Variants in ZBTB20 observed in about 807,000 individuals in gnomAD.
The protein encoded by ZBTB20 is zinc finger and BTB domain-containing protein 20.
Under a neutral mutation model 56.9 loss-of-function variants are expected in ZBTB20, and 9 were observed. The ratio of observed to expected loss-of-function variants is 0.16; its 90% CI spans 0.10 to 0.28. The LOEUF is 0.28. Ranked by LOEUF, ZBTB20 falls within the 10% of genes least tolerant of loss-of-function variation. ZBTB20 has a pLI of 1.00. For synonymous variants in ZBTB20, 417 were observed against 420.7 expected, an observed-to-expected ratio of 0.99 and a Z score of 0.11; for missense variants, 655 against 1,003.0, an observed-to-expected ratio of 0.65 and a Z score of 4.69.
At chr3:114,621,266 T>C (rs1038127213) in intron 6 of ZBTB20, among the ~76,000 whole-genome samples, 2 of 152,206 alleles carry the variant, frequency 1.3e-5, no homozygotes, top group African/African-American at 4.8e-5. Flanking sequence ...TGTTCATAAA[T>C]ATTTGTGTAA....
chr3:114,723,447 T>C (rs762880510), intron 5 of ZBTB20, among the ~76,000 whole-genome samples: 6 of 152,206 alleles, frequency 3.9e-5, no homozygotes, highest in Non-Finnish European at 8.8e-5. Flanking sequence ...GGGACTTATA[T>C]AGAGATTTTG....
At chr3:114,756,879 G>A (rs996518568) in intron 5 of ZBTB20, among the ~76,000 whole-genome samples, 2 of 152,082 alleles carry the variant, frequency 1.3e-5, no homozygotes, top group Non-Finnish European at 1.5e-5. Flanking sequence ...ACTTAAATAT[G>A]ATTTTTGTTC....
At chr3:114,625,636 A>G (rs559405772) in intron 6 of ZBTB20, among the ~76,000 whole-genome samples, 14 of 152,168 alleles carry the variant, frequency 9.2e-5, no homozygotes, top group Admixed American at 3.3e-4. Context: ...GCTTAGAGAA[A>G]AGAGAGTTAC....
rs149647100 is a variant in ZBTB20, at chr3:114,706,087, A to AAG, written c.-342-12514_-342-12513dup. Among the ~76,000 whole-genome samples the AAG allele has an allele frequency of 4.5e-3, 671 of 150,488 alleles. 5 individuals carry two copies. The highest frequency in any genetic ancestry group is 0.015 in the African/African-American group (597 of 41,162). On this transcript the variant is annotated intron_variant, in intron 5 of 11. Transcript: ENST00000675478. ...TTATAGGAAGAATATGATGTAGAGA[A>AAG]AGAGAGAGAGAGAGAGAGACAGACT...
At chr3:114,534,086 G>C (rs2048172925) in intron 6 of ZBTB20, among the ~76,000 whole-genome samples, 2 of 151,922 alleles carry the variant, frequency 1.3e-5, no homozygotes, top group East Asian at 3.9e-4. Flanking sequence ...TCAACTAATG[G>C]GCAACATTAC....
At chr3:115,003,322 G>C (rs1053718167) in intron 2 of ZBTB20, among the ~76,000 whole-genome samples, 2 of 151,578 alleles carry the variant, frequency 1.3e-5, no homozygotes, top group Non-Finnish European at 3.0e-5. Context: ...TTCATTAGTT[G>C]TAACAAATGT....
chr3:114,945,368 T>C (rs1376439701), intron 3 of ZBTB20, among the ~76,000 whole-genome samples: 3 of 145,130 alleles, frequency 2.1e-5, no homozygotes, highest in Admixed American at 2.0e-4. Flanking sequence ...TTAGTATGCG[T>C]ATAAGTATAG....
Position 114,324,154 on chromosome 3 carries a change from A to G in ZBTB20, c.*14851T>C, listed in dbSNP as rs143972499. The G allele has an allele frequency of 6.6e-6, 1 of 152,348 alleles. No homozygotes were observed. The highest frequency in any genetic ancestry group is 1.9e-4 in the East Asian group (1 of 5,184). 9.4% of individuals were successfully genotyped at this position (152,348 alleles called of 1,614,324 possible). A position where few individuals can be genotyped will look rare whatever the true frequency, so the allele number is the denominator to read the frequency against. On this transcript the variant is annotated 3_prime_UTR_variant, in exon 12 of 12. Transcript: ENST00000675478. ...TCTGTAAAACATTAAGCCAATAGGC[A>G]GAAAATAAAAGGAAGTAGTCTAGTT...
intron 7 of ZBTB20, among the ~76,000 whole-genome samples, chr3:114,402,904 G>A (rs888958977): frequency 7.2e-5 from 11 of 152,102 alleles, no homozygotes; most frequent in African/African-American, 1.7e-4. Context: ...ATACTTACCC[G>A]AAATTTCAGG....
chr3:114,945,364 T>C (rs2076850474), intron 3 of ZBTB20, among the ~76,000 whole-genome samples: 1 of 145,038 alleles, frequency 6.9e-6, no homozygotes, highest in Admixed American at 6.6e-5. Flanking sequence ...AAGATTAGTA[T>C]GCGTATAAGT....
chr3:114,916,564 T>C (rs2075754327), intron 3 of ZBTB20, among the ~76,000 whole-genome samples: 1 of 152,158 alleles, frequency 6.6e-6, no homozygotes, highest in Non-Finnish European at 1.5e-5. Context: ...CATTTAGCAT[T>C]TCCTGTAGAA....
At chr3:115,143,443 G>A (rs140151420) in intron 1 of ZBTB20, among the ~76,000 whole-genome samples, 2 of 152,158 alleles carry the variant, frequency 1.3e-5, no homozygotes, top group East Asian at 1.9e-4. Flanking sequence ...GCAGGAGGGC[G>A]GATCACTTGA....
chr3:114,511,866 A>G (rs956892006), intron 6 of ZBTB20, among the ~76,000 whole-genome samples: 5 of 152,114 alleles, frequency 3.3e-5, no homozygotes, highest in African/African-American at 1.2e-4. Flanking sequence ...AGCACAGTTT[A>G]TTTTTATTTA....
At chr3:114,348,469 T>C (rs1305277047) in intron 11 of ZBTB20, among the ~76,000 whole-genome samples, 1 of 152,276 alleles carries the variant, frequency 6.6e-6, no homozygotes, top group East Asian at 1.9e-4. Flanking sequence ...GATTTACCTC[T>C]GGTTATTAGT....
At position 114,914,075 on chromosome 3, in the gene ZBTB20, C is replaced by T. The variant is rs542966813; in HGVS notation, c.-455-13733G>A. On this transcript the variant is annotated intron_variant, in intron 3 of 11. Transcript: ENST00000675478. ...GCTATTGTGGGTCTTTTGTGGTTTC[C>T]TATAAATTTTATAATTGTGTTTTCT... Among the ~76,000 whole-genome samples, 110 of 151,836 alleles carry T rather than the reference C, an allele frequency of 7.2e-4. 1 individual carries two copies. Among genetic ancestry groups the T allele is most frequent in the South Asian group, 1.0e-3 (5 of 4,822 alleles).
chr3:114,345,248 AC>A (rs1164038197), intron 11 of ZBTB20, among the ~76,000 whole-genome samples: 4 of 152,180 alleles, frequency 2.6e-5, no homozygotes, highest in Admixed American at 1.3e-4. Flanking sequence ...AGTGTGATAT[AC>A]ATGTATATAT....
chr3:114,989,748 T>C (rs1290205348), intron 2 of ZBTB20, among the ~76,000 whole-genome samples: 1 of 152,192 alleles, frequency 6.6e-6, no homozygotes, highest in East Asian at 1.9e-4. Context: ...GGAATGTTCT[T>C]CCATTTGTTT....
intron 10 of ZBTB20, among the ~76,000 whole-genome samples, chr3:114,359,054 C>T (rs2081533735): frequency 7.0e-6 from 1 of 143,146 alleles, no homozygotes; most frequent in African/African-American, 2.6e-5. Context: ...TTATATTATC[C>T]ATTCTTTATT....
intron 1 of ZBTB20, among the ~76,000 whole-genome samples, chr3:115,107,822 T>A (rs2083766506): frequency 6.6e-6 from 1 of 152,166 alleles, no homozygotes; most frequent in African/African-American, 2.4e-5. Flanking sequence ...TAAAAAGGAA[T>A]GAGATCATGT....
Sources: allele counts gnomAD v4.1 joint callset (sites outside exome capture counted in the v4.1 genomes callset), GRCh38; gene constraint gnomAD v4.1.1; transcripts MANE v1.5; gene names NCBI Gene and HGNC (gene_info 2026-07-23, HGNC 2026-07-21).